INPP4B: variants seen among roughly 807,000 people sequenced by gnomAD.
The protein encoded by INPP4B is inositol polyphosphate 4-phosphatase type II.
Under a neutral mutation model 122.5 loss-of-function variants are expected in INPP4B, and 55 were observed. The observed-to-expected ratio is 0.45, with a 90% confidence interval of 0.36 to 0.56. The LOEUF is 0.56. INPP4B is among the 20% of genes least tolerant of loss of function. INPP4B has a pLI of 0.00. For synonymous variants in INPP4B, 403 were observed against 388.7 expected (o/e 1.04, Z -0.43); for missense variants, 1,000 against 1,097.7 (o/e 0.91, Z 1.26).
chr4:142,062,360 CAG>C (rs1761417869), intron 25 of INPP4B, among the ~76,000 whole-genome samples: 1 of 152,018 alleles, frequency 6.6e-6, no homozygotes, highest in Non-Finnish European at 1.5e-5. Context: ...ATTCAAGGTG[CAG>C]AGTCTTCAGT....
intron 5 of INPP4B, among the ~76,000 whole-genome samples, chr4:142,414,216 C>T (rs1215496377): frequency 6.6e-6 from 1 of 151,768 alleles, no homozygotes; most frequent in Non-Finnish European, 1.5e-5. Flanking sequence ...TTTTACCATC[C>T]TATAACACAA....
chr4:142,540,417 T>G (rs1454105050), intron 2 of INPP4B, among the ~76,000 whole-genome samples: 1 of 151,946 alleles, frequency 6.6e-6, no homozygotes, highest in African/African-American at 2.4e-5. Context: ...TCAGGAGCTA[T>G]CACATCTGAA....
At chr4:142,821,197 T>C (rs1023191850) in intron 1 of INPP4B, among the ~76,000 whole-genome samples, 1 of 152,118 alleles carries the variant, frequency 6.6e-6, no homozygotes, top group Admixed American at 6.6e-5. Flanking sequence ...AGTAATAACA[T>C]TATTAAAAAC....
chr4:142,146,851 C>G lies in INPP4B; in HGVS notation c.1564-855G>C, dbSNP rs149848065. 1.0e-3 allele frequency among the ~76,000 whole-genome samples: 157 copies of G among 152,318 alleles called. 1 individual carries two copies. Among genetic ancestry groups the G allele is most frequent in the Middle Eastern group, 6.8e-3 (2 of 294 alleles). On this transcript the variant is annotated intron_variant, in intron 17 of 25. Transcript: ENST00000262992. Reference sequence around the variant, plus strand: ...TTTGAGTGATTTATTTCCCAAGAAGCAGCCTGTACCACTAACGGGCCTCTT... The same window carrying G: ...TTTGAGTGATTTATTTCCCAAGAAGGAGCCTGTACCACTAACGGGCCTCTT...
At chr4:142,487,621 A>G (rs1821367010) in intron 2 of INPP4B, among the ~76,000 whole-genome samples, 1 of 152,136 alleles carries the variant, frequency 6.6e-6, no homozygotes, top group Admixed American at 6.6e-5. Flanking sequence ...TCTAAGCAAC[A>G]TTTTATAGTT....
intron 15 of INPP4B, among the ~76,000 whole-genome samples, chr4:142,186,266 A>G (rs1478814688): frequency 2.0e-5 from 3 of 152,226 alleles, no homozygotes; most frequent in Non-Finnish European, 2.9e-5. Context: ...GCATATATAA[A>G]CTCATCAAAT....
intron 1 of INPP4B, among the ~76,000 whole-genome samples, chr4:142,813,372 A>T (rs907415969): frequency 1.3e-5 from 2 of 152,194 alleles, no homozygotes; most frequent in Admixed American, 6.6e-5. Flanking sequence ...CTCTCCAGAC[A>T]AATCATCACA....
intron 1 of INPP4B, among the ~76,000 whole-genome samples, chr4:142,737,217 C>A (rs1426663527): frequency 2.0e-5 from 3 of 152,148 alleles, no homozygotes; most frequent in Non-Finnish European, 2.9e-5. Context: ...AACTATACTA[C>A]AAGGCTACAG....
At chr4:142,682,130 TA>T (rs1758711377) in intron 2 of INPP4B, among the ~76,000 whole-genome samples, 1 of 151,994 alleles carries the variant, frequency 6.6e-6, no homozygotes, top group Non-Finnish European at 1.5e-5. Flanking sequence ...ACAAATGTTA[TA>T]ATGATGTGGA....
intron 3 of INPP4B, among the ~76,000 whole-genome samples, chr4:142,443,202 T>G (rs1279855058): frequency 6.6e-6 from 1 of 152,010 alleles, no homozygotes; most frequent in African/African-American, 2.4e-5. Context: ...AATATAACAC[T>G]CCTGAGAGCC....
In INPP4B at chr4:142,405,199, A is replaced by C; in HGVS notation, c.255+7T>G. On this transcript the variant is annotated splice_region_variant and intron_variant, in intron 6 of 25. Transcript: ENST00000262992. Reference sequence around the variant, plus strand: ...AGAGAGATTAATGTAGGCACACAGCATCTCACCTCCACAATTTCGGTGCTG... The same window carrying C: ...AGAGAGATTAATGTAGGCACACAGCCTCTCACCTCCACAATTTCGGTGCTG... The C allele has an allele frequency of 6.7e-7, 1 of 1,501,816 alleles. No individual in the cohort carries two copies. The allele number at this position is 1,501,816 out of a possible 1,614,324, so 93.0% of individuals were successfully genotyped here.
chr4:142,390,775 C>A (rs182100301), intron 7 of INPP4B, among the ~76,000 whole-genome samples: 1 of 152,082 alleles, frequency 6.6e-6, no homozygotes, highest in East Asian at 1.9e-4. Context: ...CAGAAATAAC[C>A]AAATTGCCTT....
At chr4:142,249,205 A>G (rs1730678039) in intron 11 of INPP4B, among the ~76,000 whole-genome samples, 1 of 152,150 alleles carries the variant, frequency 6.6e-6, no homozygotes, top group Admixed American at 6.5e-5. Flanking sequence ...TTAGGTATAC[A>G]AAAATACTGT....
chr4:142,278,590 G>A (rs1358042798), intron 9 of INPP4B, among the ~76,000 whole-genome samples: 1 of 151,908 alleles, frequency 6.6e-6, no homozygotes, highest in African/African-American at 2.4e-5. Context: ...CCAAGATAGT[G>A]TGGCGAATTC....
intron 7 of INPP4B, among the ~76,000 whole-genome samples, chr4:142,367,083 A>T (rs771653664): frequency 2.3e-4 from 35 of 152,110 alleles, no homozygotes; most frequent in Non-Finnish European, 5.0e-4. Flanking sequence ...AGCCAGAAGT[A>T]GGGCTGCAGG....
At chr4:142,555,709 A>AT (rs1304219383) in intron 2 of INPP4B, among the ~76,000 whole-genome samples, 4 of 151,946 alleles carry the variant, frequency 2.6e-5, no homozygotes, top group African/African-American at 9.7e-5. Flanking sequence ...TCTACTAAAA[A>AT]TACAAAAAAA....
intron 23 of INPP4B, among the ~76,000 whole-genome samples, chr4:142,101,877 G>C (rs1784615561): frequency 6.6e-6 from 1 of 152,088 alleles, no homozygotes; most frequent in Admixed American, 6.6e-5. Flanking sequence ...GTTCTCTCCT[G>C]TGTTGGAAAA....
intron 11 of INPP4B, among the ~76,000 whole-genome samples, chr4:142,247,051 T>C (rs935051167): frequency 6.6e-6 from 1 of 152,172 alleles, no homozygotes; most frequent in Non-Finnish European, 1.5e-5. Context: ...ATTGTGATAA[T>C]CATGTGGTTT....
At chr4:142,787,764 T>A (rs1190355482) in intron 1 of INPP4B, among the ~76,000 whole-genome samples, 1 of 151,912 alleles carries the variant, frequency 6.6e-6, no homozygotes, top group African/African-American at 2.4e-5. Context: ...CAAAAAAATC[T>A]ACTATCAAAA....
Sources: allele counts gnomAD v4.1 joint callset (sites outside exome capture counted in the v4.1 genomes callset), GRCh38; gene constraint gnomAD v4.1.1; transcripts MANE v1.5; gene names NCBI Gene and HGNC (gene_info 2026-07-23, HGNC 2026-07-21).